The following CHST15 variants were observed in gnomAD, a reference collection of about 807,000 sequenced individuals.
CHST15 encodes the protein carbohydrate sulfotransferase 15, also known as B cell RAG associated protein (GALNAC4S-6ST).
CHST15 carries 30 observed loss-of-function variants against 53.6 expected under a neutral mutation model. That is an observed-to-expected ratio of 0.56 (90% CI 0.42 to 0.76). The LOEUF is 0.76. Ranked by LOEUF, CHST15 falls within the 30% of genes least tolerant of loss-of-function variation. CHST15 has a pLI of 0.00. For missense variants in CHST15, 627 were observed against 740.5 expected, an observed-to-expected ratio of 0.85 and a Z score of 1.78; for synonymous variants, 296 against 289.8, an observed-to-expected ratio of 1.02 and a Z score of -0.22.
chr10:124,052,526 T>G (rs1948233823), intron 1 of CHST15, among the ~76,000 whole-genome samples: 1 of 152,222 alleles, frequency 6.6e-6, no homozygotes, highest in Non-Finnish European at 1.5e-5. Context: ...GCCTCTGTAT[T>G]TTTCAAAAGA....
At chr10:124,053,987 A>C (rs1006817438) in intron 1 of CHST15, among the ~76,000 whole-genome samples, 22 of 152,296 alleles carry the variant, frequency 1.4e-4, no homozygotes, top group African/African-American at 4.3e-4. Context: ...CAATGGCTGA[A>C]ACATCAGAAA....
At chr10:124,041,900 T>C (rs1280267991) in intron 4 of CHST15, among the ~76,000 whole-genome samples, 2 of 152,162 alleles carry the variant, frequency 1.3e-5, no homozygotes, top group Non-Finnish European at 2.9e-5. Flanking sequence ...GGCCAGGGAT[T>C]ACAAAAGCCC....
intron 5 of CHST15, among the ~76,000 whole-genome samples, chr10:124,022,702 C>T (rs1351944406): frequency 1.3e-5 from 2 of 152,054 alleles, no homozygotes; most frequent in East Asian, 3.9e-4. Flanking sequence ...CTGTCTCCAG[C>T]AAGAATCCCA....
At position 124,009,222 on chromosome 10, in the gene CHST15, A is replaced by C. The variant is rs1002891662; in HGVS notation, c.*927T>G. ...AGGGCTTGAATTACCTAGATTTTCC[A>C]AGAAGTGTTCAATTCCTTGAGGTTG... On this transcript the variant is annotated 3_prime_UTR_variant, in exon 8 of 8. Transcript: ENST00000435907. 2.7e-6 allele frequency: 3 copies of C among 1,129,002 alleles called. No homozygotes were observed. In the African/African-American group the frequency reaches 4.9e-5, roughly 18 times the overall value. 69.9% of individuals were successfully genotyped at this position (1,129,002 alleles called of 1,614,324 possible).
intron 1 of CHST15, among the ~76,000 whole-genome samples, 199 bp from the exon 2 acceptor site, chr10:124,046,923 A>C (rs553347043): frequency 1.3e-5 from 2 of 152,298 alleles, no homozygotes; most frequent in African/African-American, 4.8e-5. Context: ...TTTGGGGCTC[A>C]ATTTCTGCCA....
intron 5 of CHST15, among the ~76,000 whole-genome samples, chr10:124,029,526 G>A (rs948228507): frequency 4.6e-5 from 7 of 152,156 alleles, no homozygotes; most frequent in African/African-American, 7.2e-5. Flanking sequence ...ACAGGGCCCC[G>A]GTAACTGTTC....
intron 1 of CHST15, among the ~76,000 whole-genome samples, chr10:124,077,404 T>A (rs978898853): frequency 1.3e-5 from 2 of 152,330 alleles, no homozygotes; most frequent in Admixed American, 6.5e-5. Context: ...CTTTAACTCA[T>A]CACGCTAATG....
chr10:124,062,971 G>A (rs1267834913), intron 1 of CHST15, among the ~76,000 whole-genome samples: 7 of 152,176 alleles, frequency 4.6e-5, no homozygotes. Flanking sequence ...GAATAAAACT[G>A]CTTTGGAGAG....
At chr10:124,044,183 CT>C (rs1211892216) in intron 3 of CHST15, among the ~76,000 whole-genome samples, 1 of 150,872 alleles carries the variant, frequency 6.6e-6, no homozygotes, top group South Asian at 2.1e-4. Flanking sequence ...CGGCACAGAG[CT>C]TGGGAGCGGC....
intron 3 of CHST15, among the ~76,000 whole-genome samples, chr10:124,042,958 C>T (rs1947799387): frequency 6.6e-6 from 1 of 152,162 alleles, no homozygotes; most frequent in African/African-American, 2.4e-5. Flanking sequence ...TCTCTCCTCC[C>T]CCTGTTCAAT....
intron 1 of CHST15, among the ~76,000 whole-genome samples, chr10:124,079,013 G>A (rs538234643): frequency 1.3e-5 from 2 of 152,332 alleles, no homozygotes; most frequent in African/African-American, 4.8e-5. Context: ...TGGGGACTCT[G>A]AGCAAGCATT....
chr10:124,070,868 T>G (rs952634722), intron 1 of CHST15, among the ~76,000 whole-genome samples: 7 of 152,136 alleles, frequency 4.6e-5, no homozygotes, highest in Admixed American at 4.6e-4. Context: ...GCCGACCCAC[T>G]ACCAGGCTCA....
intron 1 of CHST15, among the ~76,000 whole-genome samples, chr10:124,080,276 C>T (rs1439984568): frequency 6.6e-6 from 1 of 152,184 alleles, no homozygotes; most frequent in African/African-American, 2.4e-5. Flanking sequence ...GAATCCCATC[C>T]CATCAACAGG....
chr10:124,008,995 C>T lies in CHST15; in HGVS notation c.*1154G>A, dbSNP rs1411325252. The T allele has an allele frequency of 7.8e-7, 1 of 1,289,180 alleles. No individual in the cohort carries two copies. Among genetic ancestry groups the T allele is most frequent in the East Asian group, 5.5e-5 (1 of 18,030 alleles). The allele number at this position is 1,289,180 out of a possible 1,614,324, so 79.9% of individuals were successfully genotyped here. On this transcript the variant is annotated 3_prime_UTR_variant, in exon 8 of 8. Coordinates refer to ENST00000435907, the MANE Select transcript of CHST15 (RefSeq NM_001270764.2). The stretch of plus-strand genomic sequence containing the variant: ...CAAATCTCAACACGCCACGTTCAGC[C>T]CAAGTTCAGCTTGTGCATTGTGTTT...
Position 124,036,185 on chromosome 10 carries a change from C to T in CHST15, c.1190+2330G>A, listed in dbSNP as rs909281267. On this transcript the variant is annotated intron_variant, in intron 5 of 7. Transcript: ENST00000435907. This position sits in a 1 kb window ranked among gnomAD's most constrained non-coding sequence, Gnocchi z 5.1. ...GCTATGCAAACACCTCCGGGGGCGG[C>T]GAGGGGTCAGCTCGAGGTGACAGTT... 6.6e-6 allele frequency among the ~76,000 whole-genome samples: 1 copy of T among 152,126 alleles called. No homozygotes were observed. Among genetic ancestry groups the T allele is most frequent in the African/African-American group, 2.4e-5 (1 of 41,404 alleles).
Position 124,021,281 on chromosome 10 carries a change from T to C in CHST15, c.1322A>G (p.Asn441Ser). Reference sequence around the variant, plus strand: ...AGGCATGGCGTTGTTGAGGGTGTTGTTGTAGACGCAGGCGCGCAGTGAATA... The same window carrying C: ...AGGCATGGCGTTGTTGAGGGTGTTGCTGTAGACGCAGGCGCGCAGTGAATA... The part of the protein sequence containing the change: ...LDYSLRACVY[N>S]NTLNNAMPVR... Residue 441 changes from asparagine (N) to serine (S), a missense_variant, in exon 6 of 8, where the codon AAC becomes AGC. Coordinates refer to ENST00000435907, the MANE Select transcript of CHST15 (RefSeq NM_001270764.2). 1 of 1,611,540 alleles carries C rather than the reference T, an allele frequency of 6.2e-7. No individual in the cohort carries two copies.
At chr10:124,030,733 A>G (rs577625242) in intron 5 of CHST15, among the ~76,000 whole-genome samples, 2 of 152,356 alleles carry the variant, frequency 1.3e-5, no homozygotes, top group African/African-American at 4.8e-5. Context: ...TTGAGAACAC[A>G]TCCAGGGCTT....
At chr10:124,061,703 T>C (rs1948580100) in intron 1 of CHST15, among the ~76,000 whole-genome samples, 1 of 152,092 alleles carries the variant, frequency 6.6e-6, no homozygotes, top group South Asian at 2.1e-4. Context: ...GCACAAAAAA[T>C]GGTGTGGCAA....
rs1946323598 is a variant in CHST15, at chr10:124,008,350, C to A, written c.*1799G>T. 8.6e-6 allele frequency: 9 copies of A among 1,049,198 alleles called. No individual in the cohort carries two copies. The highest frequency in any genetic ancestry group is 1.0e-5 in the Non-Finnish European group (9 of 871,724). 65.0% of individuals were successfully genotyped at this position (1,049,198 alleles called of 1,614,324 possible). A position where few individuals can be genotyped will look rare whatever the true frequency, so the allele number is the denominator to read the frequency against. On this transcript the variant is annotated 3_prime_UTR_variant, in exon 8 of 8. Transcript: ENST00000435907. ...ACTCACCCACACGTGCGCGTACACA[C>A]ACACACACGCGCGCACTGTACTGCA...
Sources: gnomAD v4.1 joint callset for allele counts (sites outside exome capture counted in the v4.1 genomes callset) on GRCh38, gnomAD v4.1.1 for gene constraint, Gnocchi (gnomAD v3.1) non-coding constraint, MANE v1.5 for transcripts, NCBI Gene and HGNC (gene_info 2026-07-23, HGNC 2026-07-21) for gene names.